The following CAST variants were observed in gnomAD, a reference collection of about 807,000 sequenced individuals.
The protein encoded by CAST is MIR583 host.
CAST carries 76 observed loss-of-function variants against 119.6 expected under a neutral mutation model. The observed-to-expected ratio is 0.64, with a 90% CI of 0.53 to 0.77. The LOEUF (loss-of-function observed/expected upper bound fraction) is 0.77. CAST is among the 30% of genes least tolerant of loss of function. The probability of loss-of-function intolerance (pLI) is 0.00; values close to 1 mark genes in which losing one functional copy is unlikely to be tolerated. For synonymous variants in CAST, 319 were observed against 331.6 expected (o/e 0.96, Z 0.41); for missense variants, 953 against 946.5 (o/e 1.01, Z -0.09).
chr5:96,254,251 G>T, the CAST span, among the ~76,000 whole-genome samples: 2 of 151,916 alleles, frequency 1.3e-5, no homozygotes, highest in African/African-American at 2.4e-5. Context: ...ACTTTCTCCA[G>T]GGCACAAAAC....
intron 6 of CAST, chr5:96,728,428 TCTCTA>T (rs1159603213): frequency 6.6e-6 from 1 of 152,088 alleles, no homozygotes; most frequent in African/African-American, 2.4e-5. Context: ...GGTAAGATCT[TCTCTA>T]CTAACAAAGA....
intron 21 of CAST, among the ~76,000 whole-genome samples, chr5:96,754,456 C>G (rs2150602111): frequency 6.6e-6 from 1 of 152,280 alleles, no homozygotes; most frequent in East Asian, 1.9e-4. Context: ...TGCTGCTCCT[C>G]ACAGCTGTCT....
chr5:96,410,835 T>C, the CAST span: 1 of 1,614,132 alleles, frequency 6.2e-7, no homozygotes, highest in Non-Finnish European at 8.5e-7. Flanking sequence ...GGAGCACTTC[T>C]CAGCGTACCA....
At chr5:96,406,257 T>C in the CAST span, among the ~76,000 whole-genome samples, 1 of 152,172 alleles carries the variant, frequency 6.6e-6, no homozygotes, top group Non-Finnish European at 1.5e-5. Context: ...GAGCTAGAAC[T>C]TGAAGCCAGG....
chr5:96,091,228 A>G, the CAST span, among the ~76,000 whole-genome samples: 2 of 148,306 alleles, frequency 1.3e-5, no homozygotes, highest in African/African-American at 2.5e-5. Flanking sequence ...TTTGAGACAG[A>G]CCCTCGCTCT....
the CAST span, among the ~76,000 whole-genome samples, chr5:96,491,122 C>T: frequency 1.3e-5 from 2 of 152,024 alleles, no homozygotes; most frequent in Non-Finnish European, 2.9e-5. Context: ...AAGTATTCAA[C>T]CTCATTAGCC....
the CAST span, among the ~76,000 whole-genome samples, chr5:96,454,902 A>T: frequency 6.6e-6 from 1 of 152,238 alleles, no homozygotes; most frequent in Admixed American, 6.5e-5. Flanking sequence ...AATGAAAGCA[A>T]GCATTTGGCT....
At chr5:96,536,314 G>C (rs552302768) in intron 1 of CAST, among the ~76,000 whole-genome samples, 2 of 152,074 alleles carry the variant, frequency 1.3e-5, no homozygotes, top group African/African-American at 2.4e-5. Context: ...AGCCGAGATC[G>C]TGCCACTGTA....
Position 96,748,568 on chromosome 5 carries a change from G to T in CAST, c.1383G>T (p.Arg461=), listed in dbSNP as rs762540919. Residue 461 remains arginine (R), a synonymous_variant, in exon 19 of 32, where the codon CGG becomes CGT. Coordinates refer to ENST00000675179, the MANE Select transcript of CAST (RefSeq NM_001750.7). ...ATGAACTTTCAGAAGATTTTGACCG[G>T]TCTGAATGTAAAGAGAAACCATCTA... The part of the protein sequence containing the change: ...LIDELSEDFD[R]SECKEKPSKP... 6 of 1,586,666 alleles carry T rather than the reference G, an allele frequency of 3.8e-6. No homozygotes were observed. Among genetic ancestry groups the T allele is most frequent in the Middle Eastern group, 1.7e-4 (1 of 6,002 alleles).
the CAST span, among the ~76,000 whole-genome samples, chr5:96,207,081 T>C: frequency 6.6e-6 from 1 of 152,156 alleles, no homozygotes; most frequent in Non-Finnish European, 1.5e-5. Flanking sequence ...TAGGATCACA[T>C]TCTTGATTTG....
chr5:95,990,455 T>G, the CAST span, among the ~76,000 whole-genome samples: 2 of 151,988 alleles, frequency 1.3e-5, no homozygotes, highest in African/African-American at 4.8e-5. Flanking sequence ...TTTATAATAT[T>G]AAAAATATCT....
chr5:96,265,864 T>C, the CAST span, among the ~76,000 whole-genome samples: 2 of 152,176 alleles, frequency 1.3e-5, no homozygotes, highest in Non-Finnish European at 2.9e-5. Context: ...GTTATTCCAA[T>C]AATATATAGA....
At chr5:96,574,848 T>C (rs1746639897) in intron 1 of CAST, among the ~76,000 whole-genome samples, 1 of 152,208 alleles carries the variant, frequency 6.6e-6, no homozygotes, top group Non-Finnish European at 1.5e-5. Flanking sequence ...AGCACATTCC[T>C]ATGGGTTTAT....
chr5:96,004,863 A>G, the CAST span, among the ~76,000 whole-genome samples: 2 of 152,084 alleles, frequency 1.3e-5, no homozygotes, highest in Non-Finnish European at 2.9e-5. Flanking sequence ...GAATGAAGAG[A>G]CCCTTGTAAA....
chr5:96,643,903 G>T (rs1747984114), intron 1 of CAST, among the ~76,000 whole-genome samples: 2 of 152,006 alleles, frequency 1.3e-5, no homozygotes, highest in Non-Finnish European at 2.9e-5. Flanking sequence ...CAAAAAATTA[G>T]CTGGGCATGT....
chr5:96,475,967 G>A, the CAST span, among the ~76,000 whole-genome samples: 2 of 152,172 alleles, frequency 1.3e-5, no homozygotes, highest in African/African-American at 4.8e-5. Flanking sequence ...TTGCCCTGCT[G>A]TAGAAATGCA....
At chr5:96,675,748 A>T in intron 2 of CAST, 147 bp downstream of exon 2, 1 of 576,814 alleles carries the variant, frequency 1.7e-6, no homozygotes, top group South Asian at 2.7e-5. Context: ...GTTCAAGAAT[A>T]TAAAAGGAAA....
chr5:96,596,533 G>C lies in CAST; in HGVS notation c.60+66653G>C, dbSNP rs114194831. Among the ~76,000 whole-genome samples the C allele has an allele frequency of 7.5e-3, 1,141 of 152,244 alleles. 27 individuals are homozygous for C. The highest frequency in any genetic ancestry group is 0.027 in the African/African-American group (1,107 of 41,544). On this transcript the variant is annotated intron_variant, in intron 1 of 11. Transcript: ENST00000505143. ...ACTAAGTGTGTTGTAAATTGTTTCA[G>C]CAAAAATAGGAAACTAAAACCAGCA...
upstream of CAST, among the ~76,000 whole-genome samples, chr5:96,522,433 C>T (rs1745533352): frequency 6.6e-6 from 1 of 152,092 alleles, no homozygotes; most frequent in Non-Finnish European, 1.5e-5. Context: ...TTCTTCTAGG[C>T]AAATCTCTAT....
Sources: allele counts gnomAD v4.1 joint callset (sites outside exome capture counted in the v4.1 genomes callset), GRCh38; gene constraint gnomAD v4.1.1; transcripts MANE v1.5; gene names NCBI Gene and HGNC (gene_info 2026-07-23, HGNC 2026-07-21).